The following SLC17A1 variants were observed in gnomAD, a reference collection of about 807,000 sequenced individuals.
SLC17A1 encodes the protein solute carrier family 17 member 1, also known as sodium-dependent phosphate transport protein 1.
In SLC17A1, 51 loss-of-function variants were observed where a neutral mutation model predicts 53.5. The observed-to-expected ratio is 0.95, with a 90% confidence interval of 0.76 to 1.20. The LOEUF is 1.20. Ranked by LOEUF, SLC17A1 falls within the 50% of genes most tolerant of loss-of-function variation. The pLI, the probability that SLC17A1 is intolerant of heterozygous loss-of-function variation, is 0.00. For synonymous variants in SLC17A1, 179 were observed against 198.8 expected, an observed-to-expected ratio of 0.90 and a Z score of 0.84; for missense variants, 538 against 568.2, an observed-to-expected ratio of 0.95 and a Z score of 0.54.
At chr6:25,731,730 G>A in the SLC17A1 span, 2 of 1,246,166 alleles carry the variant, frequency 1.6e-6, no homozygotes, top group Non-Finnish European at 2.2e-6. Flanking sequence ...ACTTTCATTG[G>A]CTCTTAAAAG....
chr6:25,820,084 T>C (rs2151500624), intron 3 of SLC17A1, among the ~76,000 whole-genome samples, 169 bp from the exon 4 acceptor site: 1 of 152,318 alleles, frequency 6.6e-6, no homozygotes, highest in Non-Finnish European at 1.5e-5. Flanking sequence ...CCATTTTCTG[T>C]ACATATTTAC....
chr6:25,773,197 A>G, the SLC17A1 span: 1 of 1,131,162 alleles, frequency 8.8e-7, no homozygotes, highest in Admixed American at 1.7e-5. Flanking sequence ...CACTCTGTCA[A>G]CCACAGGAAT....
chr6:25,824,389 C>T (rs987468513), intron 3 of SLC17A1, among the ~76,000 whole-genome samples: 2 of 150,562 alleles, frequency 1.3e-5, no homozygotes, highest in Non-Finnish European at 3.0e-5. Context: ...GCCCTTCATG[C>T]CATTAAAAAA....
chr6:25,752,616 A>G, the SLC17A1 span, among the ~76,000 whole-genome samples: 1 of 152,224 alleles, frequency 6.6e-6, no homozygotes, highest in East Asian at 1.9e-4. Flanking sequence ...TGACTCTGGT[A>G]ATCACAGCTT....
At chr6:25,819,424 A>G (rs1262054962) in intron 5 of SLC17A1, 87 bp downstream of exon 5, 85 of 1,130,562 alleles carry the variant, frequency 7.5e-5, no homozygotes, top group Non-Finnish European at 1.1e-4. Flanking sequence ...TGACCATTCA[A>G]AACACACATT....
the SLC17A1 span, among the ~76,000 whole-genome samples, chr6:25,756,325 C>T: frequency 6.6e-6 from 1 of 152,200 alleles, no homozygotes; most frequent in Non-Finnish European, 1.5e-5. Context: ...TTGCTCAGCG[C>T]TGTCTCCTTC....
rs201896397 is a variant in SLC17A1 at position 25,811,659 on chromosome 6, G to A, written c.1009C>T (p.Arg337Trp). 81 of 1,613,740 alleles carry A rather than the reference G, an allele frequency of 5.0e-5. No homozygotes were observed. The highest frequency in any genetic ancestry group is 3.3e-5 in the South Asian group (3 of 91,056). ...TTACCTGCTGCTGTGAAGAGTTTCC[G>A]GACAGCAATTACGCTGAGAATATTC... Reference protein sequence around the residue: ...TRNILSVIAVRKLFTAAGFLL... With the variant: ...TRNILSVIAVWKLFTAAGFLL... The change falls in exon 9 of 13, where the codon CGG (arginine) becomes TGG (tryptophan). Residue 337 changes from arginine to tryptophan, a missense_variant. Transcript: ENST00000244527.
chr6:25,792,167 C>A (rs1253651933), intron 12 of SLC17A1, among the ~76,000 whole-genome samples: 1 of 152,190 alleles, frequency 6.6e-6, no homozygotes, highest in East Asian at 1.9e-4. Flanking sequence ...TTCCAGCATT[C>A]ACCTGAACCA....
chr6:25,743,955 G>T, the SLC17A1 span, among the ~76,000 whole-genome samples: 1 of 152,152 alleles, frequency 6.6e-6, no homozygotes, highest in African/African-American at 2.4e-5. Flanking sequence ...CCAAGGAGAA[G>T]AATATTTGAG....
chr6:25,811,612 G>A (rs781663330), intron 9 of SLC17A1, 26 bp downstream of exon 9: 2 of 1,613,828 alleles, frequency 1.2e-6, no homozygotes, highest in Non-Finnish European at 1.7e-6. Context: ...TCTCCCAAGT[G>A]CTTAAATGTT....
At chr6:25,753,264 A>G in the SLC17A1 span, among the ~76,000 whole-genome samples, 148,909 of 152,280 alleles carry the variant, frequency 0.98, 72,889 homozygotes, top group East Asian at 1. Flanking sequence ...AGGCAGAACT[A>G]GTTGGAATTT....
chr6:25,817,515 T>C (rs1301745658), intron 6 of SLC17A1, among the ~76,000 whole-genome samples: 1 of 152,200 alleles, frequency 6.6e-6, no homozygotes. Context: ...GCTATTATCA[T>C]AGTACAATGT....
At chr6:25,762,073 T>A in the SLC17A1 span, 6 of 1,602,124 alleles carry the variant, frequency 3.7e-6, no homozygotes, top group South Asian at 6.7e-5. Flanking sequence ...TGCACAGTAA[T>A]CTGGTAGTAA....
the SLC17A1 span, chr6:25,726,572 G>A: frequency 1.4e-5 from 22 of 1,569,218 alleles, no homozygotes; most frequent in African/African-American, 1.4e-4. Flanking sequence ...CATTTCTAGG[G>A]CTGCTACTGG....
At chr6:25,822,752 A>T (rs1220776526) in intron 3 of SLC17A1, among the ~76,000 whole-genome samples, 1 of 152,200 alleles carries the variant, frequency 6.6e-6, no homozygotes, top group African/African-American at 2.4e-5. Flanking sequence ...CTGGAATATC[A>T]TAAATATTTA....
At chr6:25,767,189 A>C in the SLC17A1 span, among the ~76,000 whole-genome samples, 1 of 152,174 alleles carries the variant, frequency 6.6e-6, no homozygotes, top group Non-Finnish European at 1.5e-5. Flanking sequence ...AAAAGAACAA[A>C]GCTAGTATAG....
the SLC17A1 span, chr6:25,761,973 G>T: frequency 6.2e-7 from 1 of 1,613,690 alleles, no homozygotes; most frequent in South Asian, 1.1e-5. Flanking sequence ...ATGTCTACCG[G>T]ACCAGATGTC....
At position 25,811,844 on chromosome 6, in the gene SLC17A1, C is replaced by A; in HGVS notation, c.898-74G>T. On this transcript the variant is annotated intron_variant, in intron 8 of 12. Transcript: ENST00000244527. The stretch of plus-strand genomic sequence containing the variant: ...ACTGACACACAGAGTAATCCCTATG[C>A]TAAAATTTATTATCTAAAATGTGTA... The A allele has an allele frequency of 4.0e-6, 6 of 1,491,016 alleles. No homozygotes were observed. In the South Asian group the frequency reaches 7.1e-5, roughly 18 times the overall value. The allele number at this position is 1,491,016 out of a possible 1,614,324, so 92.4% of individuals were successfully genotyped here.
intron 1 of SLC17A1, among the ~76,000 whole-genome samples, chr6:25,831,371 C>A (rs1401499886): frequency 6.6e-6 from 1 of 152,088 alleles, no homozygotes; most frequent in Non-Finnish European, 1.5e-5. Flanking sequence ...ATTGGATTTG[C>A]AAAATATTTT....
Sources: allele counts gnomAD v4.1 joint callset (sites outside exome capture counted in the v4.1 genomes callset), GRCh38; gene constraint gnomAD v4.1.1; transcripts MANE v1.5; gene names NCBI Gene and HGNC (gene_info 2026-07-23, HGNC 2026-07-21).